MCTP1: variants seen among roughly 807,000 people sequenced by gnomAD.
The protein encoded by MCTP1 is multiple C2 and transmembrane domain containing 1.
Under a neutral mutation model 120.6 loss-of-function variants are expected in MCTP1, and 69 were observed. The ratio of observed to expected loss-of-function variants is 0.57; its 90% confidence interval spans 0.47 to 0.70. The LOEUF (loss-of-function observed/expected upper bound fraction) is 0.70, where lower values mean the gene tolerates loss of function less well. Among genes scored for constraint, MCTP1 ranks in the 30% least tolerant of loss-of-function variants. MCTP1 has a pLI of 0.00. For missense variants in MCTP1, 1,203 were observed against 1,248.8 expected (o/e 0.96, Z 0.55); for synonymous variants, 529 against 493.1 (o/e 1.07, Z -0.96).
rs1562126190 is a variant in MCTP1, at chr5:95,081,357, C to T, written c.721-63873G>A. 2.1e-6 allele frequency: 3 copies of T among 1,400,330 alleles called. No individual in the cohort carries two copies. The South Asian group carries it at 3.7e-5, about 17-fold the overall frequency. The allele number at this position is 1,400,330 out of a possible 1,614,324, so 86.7% of individuals were successfully genotyped here. ...AGAAGGCATTTTTCTAAGGAACAAT[C>T]ATATACCTAAACTGCCACATTAATT... On this transcript the variant is annotated intron_variant, in intron 1 of 22. Coordinates refer to ENST00000515393, the MANE Select transcript of MCTP1 (RefSeq NM_024717.7).
At chr5:95,095,630 C>A (rs1756203015) in intron 1 of MCTP1, among the ~76,000 whole-genome samples, 1 of 152,082 alleles carries the variant, frequency 6.6e-6, no homozygotes, top group South Asian at 2.1e-4. Flanking sequence ...TGGTCTTTTC[C>A]TTTTTAAGTT....
At chr5:94,955,377 T>C (rs1822308123) in intron 2 of MCTP1, among the ~76,000 whole-genome samples, 1 of 152,152 alleles carries the variant, frequency 6.6e-6, no homozygotes, top group African/African-American at 2.4e-5. Flanking sequence ...AGGAGTCTTT[T>C]TTCGTACCCC....
intron 17 of MCTP1, among the ~76,000 whole-genome samples, chr5:94,813,597 A>C (rs1327053072): frequency 6.6e-6 from 1 of 152,194 alleles, no homozygotes; most frequent in Non-Finnish European, 1.5e-5. Context: ...AAAATGTGCT[A>C]TATCCAAGGA....
At chr5:95,097,494 G>T (rs1359679863) in intron 1 of MCTP1, among the ~76,000 whole-genome samples, 2 of 152,240 alleles carry the variant, frequency 1.3e-5, no homozygotes, top group African/African-American at 4.8e-5. Context: ...TGTGGCCAGA[G>T]CACTGAGAAA....
At chr5:94,809,507 A>C (rs766412951) in intron 17 of MCTP1, among the ~76,000 whole-genome samples, 1 of 152,124 alleles carries the variant, frequency 6.6e-6, no homozygotes, top group Non-Finnish European at 1.5e-5. Flanking sequence ...GAGAATGTTG[A>C]TTCTCCAAGG....
chr5:94,746,140 T>C (rs1006460637), intron 19 of MCTP1, among the ~76,000 whole-genome samples: 7 of 152,318 alleles, frequency 4.6e-5, no homozygotes, highest in African/African-American at 1.7e-4. Context: ...CAATGAAACC[T>C]TAGAAAACTG....
At chr5:95,225,342 A>T (rs1007897049) in intron 1 of MCTP1, among the ~76,000 whole-genome samples, 1 of 152,200 alleles carries the variant, frequency 6.6e-6, no homozygotes, top group Non-Finnish European at 1.5e-5. Flanking sequence ...AGATGTTAGA[A>T]TAATTCAGCT....
At chr5:95,025,579 T>C (rs192078128) in intron 1 of MCTP1, among the ~76,000 whole-genome samples, 195 of 151,992 alleles carry the variant, frequency 1.3e-3, no homozygotes, top group African/African-American at 4.5e-3. Flanking sequence ...CATGGAAGAG[T>C]AGTTAATAAC....
chr5:95,113,868 C>T (rs115713333), intron 1 of MCTP1, among the ~76,000 whole-genome samples: 3,478 of 152,116 alleles, frequency 0.023, 55 homozygotes, highest in African/African-American at 0.05. Flanking sequence ...GTCATGACTC[C>T]GAAAGAGACT....
chr5:95,076,450 AG>A (rs1228482148), intron 1 of MCTP1, among the ~76,000 whole-genome samples: 119 of 74,432 alleles, frequency 1.6e-3, no homozygotes, highest in African/African-American at 3.5e-3. Flanking sequence ...AAGCTGAAAA[AG>A]GAAAAAAAAA....
At chr5:95,252,433 A>G (rs1474668013) in intron 1 of MCTP1, among the ~76,000 whole-genome samples, 1 of 152,182 alleles carries the variant, frequency 6.6e-6, no homozygotes, top group Non-Finnish European at 1.5e-5. Context: ...AGAACTCACC[A>G]GAGCCTTATT....
At chr5:94,811,415 A>G (rs1382570604) in intron 17 of MCTP1, among the ~76,000 whole-genome samples, 1 of 152,212 alleles carries the variant, frequency 6.6e-6, no homozygotes, top group African/African-American at 2.4e-5. Flanking sequence ...TTAGACAGCA[A>G]GCAAGCCGAA....
At chr5:94,875,569 T>C (rs1241394731) in intron 12 of MCTP1, among the ~76,000 whole-genome samples, 1 of 151,542 alleles carries the variant, frequency 6.6e-6, no homozygotes, top group Non-Finnish European at 1.5e-5. Context: ...AATGGAGGGG[T>C]AGGAAGAAGA....
chr5:95,225,828 C>T (rs999168030), intron 1 of MCTP1, among the ~76,000 whole-genome samples: 6 of 152,104 alleles, frequency 3.9e-5, no homozygotes, highest in African/African-American at 1.2e-4. Flanking sequence ...CTTCCTCCCT[C>T]CCTTTTGTTT....
chr5:95,106,905 T>C (rs1404385764), intron 1 of MCTP1, among the ~76,000 whole-genome samples: 2 of 152,220 alleles, frequency 1.3e-5, no homozygotes, highest in Non-Finnish European at 2.9e-5. Flanking sequence ...AAACTGGCAG[T>C]ATATTTTTAC....
intron 1 of MCTP1, among the ~76,000 whole-genome samples, chr5:95,088,956 A>G (rs1755645891): frequency 6.6e-6 from 1 of 152,214 alleles, no homozygotes; most frequent in East Asian, 1.9e-4. Context: ...AAGAGTTGAT[A>G]AAGATTCCAA....
At chr5:94,897,613 C>T (rs1383850465) in intron 10 of MCTP1, among the ~76,000 whole-genome samples, 1 of 152,178 alleles carries the variant, frequency 6.6e-6, no homozygotes, top group Admixed American at 6.5e-5. Flanking sequence ...GATCCGCCCA[C>T]CTTGGCCTCC....
intron 1 of MCTP1, among the ~76,000 whole-genome samples, chr5:95,061,528 C>T (rs934773729): frequency 7.0e-5 from 10 of 142,420 alleles, no homozygotes; most frequent in Non-Finnish European, 1.1e-4. Context: ...CTCCGCCTCC[C>T]GGGTTCACGC....
At chr5:94,714,597 T>G (rs1437609467) in intron 20 of MCTP1, among the ~76,000 whole-genome samples, 180 bp downstream of exon 20, 1 of 152,116 alleles carries the variant, frequency 6.6e-6, no homozygotes, top group Admixed American at 6.6e-5. Context: ...GGAAGGAAAT[T>G]GACAGAACTT....
Sources: gnomAD v4.1 joint callset for allele counts (sites outside exome capture counted in the v4.1 genomes callset) on GRCh38, gnomAD v4.1.1 for gene constraint, MANE v1.5 for transcripts, NCBI Gene and HGNC (gene_info 2026-07-23, HGNC 2026-07-21) for gene names.